Variants in RBFOX1 observed in about 807,000 individuals in gnomAD.
RBFOX1 encodes the protein RNA binding protein fox-1 homolog 1.
RBFOX1 carries 8 observed loss-of-function variants against 57.7 expected under a neutral mutation model. The ratio of observed to expected loss-of-function variants is 0.14; its 90% confidence interval spans 0.08 to 0.25. The LOEUF is 0.25. RBFOX1 is among the 10% of genes least tolerant of loss of function. The pLI is 1.00. For missense variants in RBFOX1, 611 were observed against 548.5 expected (o/e 1.11, Z -1.14); for synonymous variants, 326 against 222.4 (o/e 1.47, Z -4.15).
intron 2 of RBFOX1, among the ~76,000 whole-genome samples, chr16:6,500,411 A>G (rs551029520): frequency 1.9e-4 from 29 of 152,284 alleles, no homozygotes; most frequent in African/African-American, 7.0e-4. Flanking sequence ...GACCATTTAT[A>G]TGATATTGTT....
At chr16:6,229,913 C>G (rs527379289) in intron 1 of RBFOX1, among the ~76,000 whole-genome samples, 1 of 151,556 alleles carries the variant, frequency 6.6e-6, no homozygotes, top group South Asian at 2.1e-4. Context: ...TTTGTCCTCG[C>G]GAAAGTGATC....
intron 4 of RBFOX1, among the ~76,000 whole-genome samples, chr16:7,479,917 T>G (rs1261143749): frequency 1.3e-5 from 2 of 152,186 alleles, no homozygotes; most frequent in Non-Finnish European, 2.9e-5. Flanking sequence ...CCCTTCCCAA[T>G]TTGTGTCAGC....
At chr16:7,158,367 G>T (rs183490404) in intron 4 of RBFOX1, among the ~76,000 whole-genome samples, 13 of 152,134 alleles carry the variant, frequency 8.5e-5, no homozygotes, top group Admixed American at 2.6e-4. Context: ...AAAAACTACA[G>T]GGTTAGGGTT....
chr16:7,041,179 C>A (rs1331551355), intron 3 of RBFOX1, among the ~76,000 whole-genome samples: 2 of 150,822 alleles, frequency 1.3e-5, no homozygotes, highest in Non-Finnish European at 1.5e-5. Context: ...CATGATCCAC[C>A]CGCCTTGTCC....
At position 5,979,930 on chromosome 16, in the gene RBFOX1, C is replaced by G. The variant is rs572552125; in HGVS notation, c.351+112595C>G. Among the ~76,000 whole-genome samples, 5 of 152,290 alleles carry G rather than the reference C, an allele frequency of 3.3e-5. No individual in the cohort carries two copies. The South Asian group carries it at 6.2e-4, about 19-fold the overall frequency. On this transcript the variant is annotated intron_variant, in intron 4 of 19. Coordinates refer to the RBFOX1 transcript ENST00000641259. ...AATTGCTTCCCCATGGTCACTCACA[C>G]AGGTAGGACGTGGCAGAGCTGGGAT...
At chr16:7,227,219 A>G (rs118111678) in intron 4 of RBFOX1, among the ~76,000 whole-genome samples, 8 of 151,848 alleles carry the variant, frequency 5.3e-5, no homozygotes, top group African/African-American at 9.7e-5. Flanking sequence ...AACTGTTGCA[A>G]AACATGCCAT....
chr16:6,052,357 C>G (rs925185157), intron 1 of RBFOX1, among the ~76,000 whole-genome samples: 1 of 152,138 alleles, frequency 6.6e-6, no homozygotes, highest in African/African-American at 2.4e-5. Flanking sequence ...TCAGATGATT[C>G]TTTTTTGTGA....
chr16:7,310,729 G>A (rs1229164719), intron 4 of RBFOX1, among the ~76,000 whole-genome samples: 1 of 152,148 alleles, frequency 6.6e-6, no homozygotes, highest in Non-Finnish European at 1.5e-5. Flanking sequence ...AATCACACCT[G>A]TGATCACACT....
intron 3 of RBFOX1, among the ~76,000 whole-genome samples, chr16:6,770,351 T>G (rs543092888): frequency 1.4e-4 from 21 of 152,260 alleles, no homozygotes; most frequent in African/African-American, 5.1e-4. Context: ...GGGCAGGGGT[T>G]GGAAAACTGC....
chr16:6,436,727 C>G (rs1222637313), intron 2 of RBFOX1, among the ~76,000 whole-genome samples: 2 of 152,040 alleles, frequency 1.3e-5, no homozygotes, highest in East Asian at 3.9e-4. Flanking sequence ...TTTGTATCCC[C>G]AAACCAAACA....
chr16:6,923,120 C>G (rs1477719946), intron 3 of RBFOX1, among the ~76,000 whole-genome samples: 8 of 152,120 alleles, frequency 5.3e-5, no homozygotes, highest in Non-Finnish European at 1.2e-4. Context: ...TGTAGAATTC[C>G]AAAGGAGATA....
At chr16:6,639,400 G>T (rs1250485788) in intron 2 of RBFOX1, among the ~76,000 whole-genome samples, 1 of 152,162 alleles carries the variant, frequency 6.6e-6, no homozygotes, top group Non-Finnish European at 1.5e-5. Context: ...CTTCCCAGGA[G>T]AACGTGTCCT....
At chr16:6,082,843 A>C (rs140925376) in intron 1 of RBFOX1, among the ~76,000 whole-genome samples, 108 of 152,166 alleles carry the variant, frequency 7.1e-4, no homozygotes, top group African/African-American at 2.5e-3. Context: ...ATGCACTTGG[A>C]CCCAATAGCC....
At chr16:5,966,851 G>A (rs2059853359) in intron 4 of RBFOX1, among the ~76,000 whole-genome samples, 1 of 152,058 alleles carries the variant, frequency 6.6e-6, no homozygotes, top group South Asian at 2.1e-4. Context: ...CCTCATGGAA[G>A]TGCAATTCAT....
intron 2 of RBFOX1, among the ~76,000 whole-genome samples, chr16:5,572,990 C>A (rs999168883): frequency 3.9e-5 from 6 of 152,042 alleles, no homozygotes; most frequent in Admixed American, 2.6e-4. Context: ...GTGACCTGAC[C>A]TTTGATGAAG....
intron 4 of RBFOX1, among the ~76,000 whole-genome samples, chr16:7,514,659 G>T (rs1337696564): frequency 6.6e-6 from 1 of 152,128 alleles, no homozygotes; most frequent in Non-Finnish European, 1.5e-5. Flanking sequence ...GGGCAAGGGG[G>T]TAGGTGAGGC....
intron 10 of RBFOX1, among the ~76,000 whole-genome samples, chr16:7,616,772 C>T (rs35851985): frequency 0.54 from 82,220 of 151,802 alleles, 24,191 homozygotes; most frequent in East Asian, 0.83. Flanking sequence ...CCTCAAGCAA[C>T]CCTCCCACCT....
chr16:5,915,519 AGTAG>A (rs1415646478), intron 4 of RBFOX1, among the ~76,000 whole-genome samples: 4 of 152,128 alleles, frequency 2.6e-5, no homozygotes, highest in African/African-American at 9.7e-5. Flanking sequence ...ACCTACTTTT[AGTAG>A]GTAGTCAGAG....
intron 15 of RBFOX1, chr16:7,710,170 C>T: frequency 1.1e-5 from 11 of 1,021,756 alleles, no homozygotes; most frequent in Non-Finnish European, 1.3e-5. Flanking sequence ...ATACAGCTTA[C>T]AGAGCCAAGT....
Sources: gnomAD v4.1 joint callset for allele counts (sites outside exome capture counted in the v4.1 genomes callset) on GRCh38, gnomAD v4.1.1 for gene constraint, MANE v1.5 for transcripts, NCBI Gene and HGNC (gene_info 2026-07-23, HGNC 2026-07-21) for gene names.